The following LONRF1 variants were observed in gnomAD, a reference collection of about 807,000 sequenced individuals.
The protein encoded by LONRF1 is LON peptidase N-terminal domain and ring finger 1, also known as LON peptidase N-terminal domain and RING finger protein 1.
A neutral mutation model predicts 85.8 loss-of-function variants in LONRF1; 37 were observed. The ratio of observed to expected loss-of-function variants is 0.43; its 90% CI spans 0.33 to 0.57. The LOEUF (loss-of-function observed/expected upper bound fraction) is 0.57. Ranked by LOEUF, LONRF1 falls within the 20% of genes least tolerant of loss-of-function variation. The probability of loss-of-function intolerance (pLI) is 0.04; values close to 1 mark genes in which losing one functional copy is unlikely to be tolerated. For synonymous variants in LONRF1, 517 were observed against 390.1 expected, an observed-to-expected ratio of 1.33 and a Z score of -3.83; for missense variants, 1,036 against 978.0, an observed-to-expected ratio of 1.06 and a Z score of -0.79.
intron 2 of LONRF1, among the ~76,000 whole-genome samples, chr8:12,742,075 A>G (rs1264765577): frequency 1.3e-5 from 2 of 152,222 alleles, no homozygotes; most frequent in Non-Finnish European, 2.9e-5. Context: ...GGCTGAAGAA[A>G]ACCTTTCTGA....
chr8:12,728,504 A>G (rs915994648), intron 10 of LONRF1, among the ~76,000 whole-genome samples: 1 of 152,250 alleles, frequency 6.6e-6, no homozygotes, highest in Non-Finnish European at 1.5e-5. Context: ...CATCGGCTTC[A>G]ACTACTAATA....
At chr8:12,753,954 G>C (rs556106192) in intron 1 of LONRF1, 1 of 152,408 alleles carries the variant, frequency 6.6e-6, no homozygotes, top group African/African-American at 2.4e-5. Flanking sequence ...AAATAAGCAG[G>C]ATCTGAAACA....
chr8:12,754,478 G>T, intron 1 of LONRF1: 1 of 430,720 alleles, frequency 2.3e-6, no homozygotes, highest in Non-Finnish European at 3.7e-6. Context: ...TCCCCGCGCC[G>T]CGTCACAGTC....
chr8:12,755,484 G>T lies in LONRF1; in HGVS notation c.-64C>A. Reference sequence around the variant, plus strand: ...GGTCCCGGAGCCTCCCGGGCGCGCGGCTCCGCACGCGGCCCGCGAGCAGGG... The same window carrying T: ...GGTCCCGGAGCCTCCCGGGCGCGCGTCTCCGCACGCGGCCCGCGAGCAGGG... On this transcript the variant is annotated 5_prime_UTR_variant, in exon 1 of 12. Coordinates refer to ENST00000398246, the MANE Select transcript of LONRF1 (RefSeq NM_152271.5). 1 of 911,818 alleles carries T rather than the reference G, an allele frequency of 1.1e-6. No individual in the cohort carries two copies. Among genetic ancestry groups the T allele is most frequent in the Non-Finnish European group, 1.3e-6 (1 of 749,312 alleles). 56.5% of individuals were successfully genotyped at this position (911,818 alleles called of 1,614,324 possible).
intron 10 of LONRF1, among the ~76,000 whole-genome samples, chr8:12,726,209 G>A (rs945406602): frequency 6.6e-6 from 1 of 152,160 alleles, no homozygotes; most frequent in African/African-American, 2.4e-5. Flanking sequence ...AATTCCATTT[G>A]TCTTTATGGA....
In LONRF1 at chr8:12,754,552, C is replaced by G. The variant is rs997862290; in HGVS notation, c.721+148G>C. 3 of 954,698 alleles carry G rather than the reference C, an allele frequency of 3.1e-6. No individual in the cohort carries two copies. The African/African-American group carries it at 5.2e-5, about 16-fold the overall frequency. The allele number at this position is 954,698 out of a possible 1,614,324, so 59.1% of individuals were successfully genotyped here. On this transcript the variant is annotated intron_variant, in intron 1 of 11. Coordinates refer to ENST00000398246, the MANE Select transcript of LONRF1 (RefSeq NM_152271.5). The stretch of plus-strand genomic sequence containing the variant: ...GGGGCGCCGCCCCCTCCCACACCCC[C>G]CAGCACCCCGAGACCCGACACGCCA...
intron 1 of LONRF1, among the ~76,000 whole-genome samples, chr8:12,751,294 ATGTTT>A (rs1321990506): frequency 1.2e-5 from 1 of 84,810 alleles, no homozygotes; most frequent in African/African-American, 4.2e-5. Flanking sequence ...TTTTATTTTT[ATGTTT>A]TTTTTTTTTT....
At chr8:12,751,542 C>T (rs1468761985) in intron 1 of LONRF1, among the ~76,000 whole-genome samples, 1 of 151,230 alleles carries the variant, frequency 6.6e-6, no homozygotes. Flanking sequence ...TGGCCTCATG[C>T]GATCCGCCCG....
chr8:12,743,202 A>G lies in LONRF1; in HGVS notation c.802T>C (p.Leu268=). The G allele has an allele frequency of 1.9e-6, 3 of 1,613,120 alleles. No individual in the cohort carries two copies. The highest frequency in any genetic ancestry group is 2.5e-6 in the Non-Finnish European group (3 of 1,179,370). ...LQEFKAAIED[L]NAVLFQLPDW... is the part of the protein sequence containing the mutation. ...GGAAGTTGAAAAAGAACTGCATTTA[A>G]ATCTTCTATGGCTGCTTTAAACTCT... Residue 268 remains leucine, a synonymous_variant, in exon 2 of 12, where the codon TTA becomes CTA. Transcript: ENST00000398246.
intron 1 of LONRF1, among the ~76,000 whole-genome samples, chr8:12,751,199 C>T (rs756675901): frequency 6.6e-6 from 1 of 151,186 alleles, no homozygotes; most frequent in Non-Finnish European, 1.5e-5. Context: ...GATAATATTA[C>T]AGTACTCCAT....
chr8:12,755,311 C>T lies in LONRF1; in HGVS notation c.110G>A (p.Arg37Gln), dbSNP rs1209430545. Residue 37 changes from arginine (R) to glutamine (Q), a missense_variant, in exon 1 of 12, where the codon CGG (arginine) becomes CAG (glutamine). Around this residue, in one of 3 missense-constraint regions of LONRF1, gnomAD observed 742 missense variants for 614.4 expected, o/e 1.21. Coordinates refer to ENST00000398246, the MANE Select transcript of LONRF1 (RefSeq NM_152271.5). ...CGACTCCGCGGCCGCGCGCTCCAGC[C>T]GATGGCCGCTGCCGCCGCCCACTTC... The part of the protein sequence containing the change: ...FWEVGGGSGH[R>Q]LERAAAESER... 5 of 1,249,722 alleles carry T rather than the reference C, an allele frequency of 4.0e-6. No homozygotes were observed. The highest frequency in any genetic ancestry group is 3.0e-6 in the Non-Finnish European group (3 of 994,134). The allele number at this position is 1,249,722 out of a possible 1,614,324, so 77.4% of individuals were successfully genotyped here. A position where few individuals can be genotyped will look rare whatever the true frequency, so the allele number is the denominator to read the frequency against.
chr8:12,732,166 C>CCCTT (rs1798551985), intron 7 of LONRF1, among the ~76,000 whole-genome samples: 1 of 152,210 alleles, frequency 6.6e-6, no homozygotes, highest in African/African-American at 2.4e-5. Context: ...ACAACAGAGG[C>CCCTT]CCTTTTCCAC....
chr8:12,746,187 G>A (rs1799146297), intron 1 of LONRF1, among the ~76,000 whole-genome samples: 1 of 152,040 alleles, frequency 6.6e-6, no homozygotes, highest in Admixed American at 6.6e-5. Flanking sequence ...GCAATAGCTT[G>A]CTCACTGATC....
Position 12,755,221 on chromosome 8 carries a change from G to T in LONRF1, c.200C>A (p.Ala67Glu). ...LLALGGHLKG[A>E]LEAFAAALRR... The stretch of plus-strand genomic sequence containing the variant: ...CAGCGCCGCCGCGAACGCCTCCAGC[G>T]CGCCCTTCAGGTGGCCGCCCAGCGC... Residue 67 changes from alanine to glutamate, a missense_variant, in exon 1 of 12, where the codon GCG becomes GAG. Coordinates refer to ENST00000398246, the MANE Select transcript of LONRF1 (RefSeq NM_152271.5). 1 of 1,262,130 alleles carries T rather than the reference G, an allele frequency of 7.9e-7. No individual in the cohort carries two copies. The highest frequency in any genetic ancestry group is 9.9e-7 in the Non-Finnish European group (1 of 1,008,860). The allele number at this position is 1,262,130 out of a possible 1,614,324, so 78.2% of individuals were successfully genotyped here. A position where few individuals can be genotyped will look rare whatever the true frequency, so the allele number is the denominator to read the frequency against.
At chr8:12,743,007 T>G (rs1203395954) in intron 2 of LONRF1, among the ~76,000 whole-genome samples, 157 bp downstream of exon 2, 1 of 152,196 alleles carries the variant, frequency 6.6e-6, no homozygotes. Context: ...ATTATGGAAA[T>G]GAGCCATTGC....
In LONRF1 at chr8:12,738,120, C is replaced by T. The variant is rs373395396; in HGVS notation, c.988G>A (p.Glu330Lys). Residue 330 changes from glutamate (E) to lysine (K), a missense_variant, in exon 4 of 12, where the codon GAA (glutamate) becomes AAA (lysine). Physicochemically the swap from Glu to Lys is moderately conservative, Grantham distance 56. This residue lies in a region of LONRF1 where 742 missense variants were observed against 614.4 expected (regional missense o/e 1.21). Coordinates refer to ENST00000398246, the MANE Select transcript of LONRF1 (RefSeq NM_152271.5). Reference sequence around the variant, plus strand: ...TCCTTCAGGCCTTCTTTTAAGTTTTCAGGTAATAATAAATCACATAAAATC... The same window carrying T: ...TCCTTCAGGCCTTCTTTTAAGTTTTTAGGTAATAATAAATCACATAAAATC... Reference protein sequence around the residue: ...QKILCDLLLPENLKEGLKESS... With the variant: ...QKILCDLLLPKNLKEGLKESS... 1.3e-5 allele frequency: 21 copies of T among 1,584,432 alleles called. 1 individual carries two copies. The Middle Eastern group carries it at 1.2e-3, about 88-fold the overall frequency.
In LONRF1 at chr8:12,736,955, T is replaced by C; in HGVS notation, c.1299A>G (p.Leu433=). 6.2e-7 allele frequency: 1 copy of C among 1,613,450 alleles called. No homozygotes were observed. The highest frequency in any genetic ancestry group is 8.5e-7 in the Non-Finnish European group (1 of 1,179,604). ...GVLLKRKLSL[L]EQDVIVNEDG... ...CTTCATTTACAATCACATCCTGTTC[T>C]AAAAGAGACAACTTTCTTTTCAGCA... Residue 433 remains leucine (L), a synonymous_variant, in exon 5 of 12, where the codon TTA becomes TTG. Coordinates refer to ENST00000398246, the MANE Select transcript of LONRF1 (RefSeq NM_152271.5).
chr8:12,742,270 C>T (rs1426479355), intron 2 of LONRF1, among the ~76,000 whole-genome samples: 4 of 152,286 alleles, frequency 2.6e-5, no homozygotes, highest in East Asian at 1.9e-4. Flanking sequence ...ACACTGTCCT[C>T]AAAGACACAG....
chr8:12,745,136 G>A (rs983947863), intron 1 of LONRF1, among the ~76,000 whole-genome samples: 8 of 151,946 alleles, frequency 5.3e-5, no homozygotes, highest in Non-Finnish European at 1.0e-4. Context: ...AGAAAAATTC[G>A]GGATATTGAG....
Sources: allele counts gnomAD v4.1 joint callset (sites outside exome capture counted in the v4.1 genomes callset), GRCh38; gene constraint gnomAD v4.1.1; regional missense constraint gnomAD v4.1.1; transcripts MANE v1.5; gene names NCBI Gene and HGNC (gene_info 2026-07-23, HGNC 2026-07-21).